The following CD226 variants were observed in gnomAD, a reference collection of about 807,000 sequenced individuals.
CD226 encodes the protein CD226 antigen.
CD226 carries 24 observed loss-of-function variants against 34.9 expected under a neutral mutation model. The ratio of observed to expected loss-of-function variants is 0.69; its 90% CI spans 0.50 to 0.97. The LOEUF is 0.97. Ranked by LOEUF, CD226 falls within the 50% of genes least tolerant of loss-of-function variation. The probability of loss-of-function intolerance (pLI) is 0.00; values close to 1 mark genes in which losing one functional copy is unlikely to be tolerated. For synonymous variants in CD226, 148 were observed against 147.4 expected (o/e 1.00, Z -0.03); for missense variants, 397 against 412.7 (o/e 0.96, Z 0.33).
At chr18:69,953,999 CAAAAAAA>C (rs933349209) in intron 1 of CD226, among the ~76,000 whole-genome samples, 6 of 73,774 alleles carry the variant, frequency 8.1e-5, no homozygotes, top group Non-Finnish European at 1.5e-4. Flanking sequence ...GACTCCGTTT[CAAAAAAA>C]AAAAAAAAAA....
chr18:69,961,003 T>C (rs2055927060), upstream of CD226, among the ~76,000 whole-genome samples: 1 of 152,226 alleles, frequency 6.6e-6, no homozygotes, highest in Admixed American at 6.5e-5. Context: ...TTGAAAATTA[T>C]TTAAAATGTA....
chr18:69,935,378 T>G (rs1483231807), intron 2 of CD226, among the ~76,000 whole-genome samples: 4 of 152,198 alleles, frequency 2.6e-5, no homozygotes, highest in Non-Finnish European at 5.9e-5. Flanking sequence ...GCCCACTATC[T>G]GCAGCTCTCA....
At chr18:69,940,898 A>C (rs2055715878) in intron 2 of CD226, among the ~76,000 whole-genome samples, 1 of 152,130 alleles carries the variant, frequency 6.6e-6, no homozygotes, top group Non-Finnish European at 1.5e-5. Flanking sequence ...TTCCATCATA[A>C]GCCTAGGAGG....
intron 2 of CD226, among the ~76,000 whole-genome samples, chr18:69,899,902 A>G (rs1328775448): frequency 6.6e-6 from 1 of 152,218 alleles, no homozygotes; most frequent in African/African-American, 2.4e-5. Flanking sequence ...CAGAACTACC[A>G]TTTGACCCAG....
chr18:69,959,371 G>A (rs2055919064), upstream of CD226, among the ~76,000 whole-genome samples: 1 of 152,046 alleles, frequency 6.6e-6, no homozygotes, highest in Non-Finnish European at 1.5e-5. Context: ...AAGGCTTTTT[G>A]AACAACTTAA....
At chr18:69,927,117 C>T (rs890555366) in intron 2 of CD226, among the ~76,000 whole-genome samples, 2 of 152,124 alleles carry the variant, frequency 1.3e-5, no homozygotes, top group African/African-American at 4.8e-5. Flanking sequence ...ATTCTGCTTT[C>T]ATGAATGTGA....
At chr18:69,913,776 T>G (rs1412078962) in intron 2 of CD226, among the ~76,000 whole-genome samples, 1 of 152,146 alleles carries the variant, frequency 6.6e-6, no homozygotes, top group Admixed American at 6.5e-5. Context: ...AGTGTCCTAG[T>G]GAAATGCTAA....
At chr18:69,882,166 T>C (rs555845406) in intron 3 of CD226, among the ~76,000 whole-genome samples, 1 of 152,148 alleles carries the variant, frequency 6.6e-6, no homozygotes, top group Non-Finnish European at 1.5e-5. Flanking sequence ...AGCAAACCAG[T>C]GAGGGAAGCA....
At chr18:69,960,613 C>A (rs1328050119), upstream of CD226, among the ~76,000 whole-genome samples, 1 of 152,154 alleles carries the variant, frequency 6.6e-6, no homozygotes, top group Non-Finnish European at 1.5e-5. Flanking sequence ...ACACGCATGG[C>A]TAATTTTTGT....
intron 2 of CD226, among the ~76,000 whole-genome samples, chr18:69,918,961 T>C (rs2055418111): frequency 6.6e-6 from 1 of 152,060 alleles, no homozygotes; most frequent in South Asian, 2.1e-4. Flanking sequence ...GATACAGACA[T>C]GGGATGCAAT....
Position 69,870,275 on chromosome 18 carries a change from T to C in CD226, c.831-2864A>G, listed in dbSNP as rs1312508638. 6.1e-5 allele frequency among the ~76,000 whole-genome samples: 9 copies of C among 147,014 alleles called. No homozygotes were observed. In the South Asian group the frequency reaches 1.8e-3, roughly 29 times the overall value. On this transcript the variant is annotated intron_variant, in intron 4 of 5. Coordinates refer to ENST00000582621, the MANE Select transcript of CD226 (RefSeq NM_001303618.2). Reference sequence around the variant, plus strand: ...ATAGAACACAGTTTGGCTCCCCCTTTTTTTTTTTTTTTTTTTTGAGACAGA... The same window carrying C: ...ATAGAACACAGTTTGGCTCCCCCTTCTTTTTTTTTTTTTTTTTGAGACAGA...
At chr18:69,910,627 T>TA (rs2055312422) in intron 2 of CD226, among the ~76,000 whole-genome samples, 1 of 152,064 alleles carries the variant, frequency 6.6e-6, no homozygotes. Flanking sequence ...GGACAAAACA[T>TA]AATCACTTTG....
upstream of CD226, among the ~76,000 whole-genome samples, chr18:69,951,391 A>T (rs2055853091): frequency 6.6e-6 from 1 of 152,144 alleles, no homozygotes; most frequent in Non-Finnish European, 1.5e-5. Context: ...TGGAATGTGA[A>T]CAATTTCTCT....
intron 3 of CD226, among the ~76,000 whole-genome samples, chr18:69,880,738 G>A (rs192069507): frequency 4.1e-5 from 6 of 146,904 alleles, no homozygotes; most frequent in East Asian, 4.2e-4. Flanking sequence ...TGCAACCTCC[G>A]CCTCCTGGGT....
rs1042478483 is a variant in CD226 at position 69,873,214 on chromosome 18, C to T, written c.760G>A (p.Ala254Thr). Residue 254 changes from alanine (A) to threonine (T), a missense_variant, in exon 4 of 6, where the codon GCT (alanine) becomes ACT (threonine). Physicochemically the swap from Ala to Thr is moderately conservative, Grantham distance 58 (BLOSUM62 0). Coordinates refer to ENST00000582621, the MANE Select transcript of CD226 (RefSeq NM_001303618.2). ...KTDNQYTLFV[A>T]GGTVLLLLFV... ...AACAACAATAAAACTGTCCCTCCAG[C>T]CACAAAGAGGGTATATTGGTTATCG... 1 of 1,607,780 alleles carries T rather than the reference C, an allele frequency of 6.2e-7. No individual in the cohort carries two copies. The highest frequency in any genetic ancestry group is 8.5e-7 in the Non-Finnish European group (1 of 1,174,642).
chr18:69,952,022 C>A (rs570444548), upstream of CD226, among the ~76,000 whole-genome samples: 3 of 152,104 alleles, frequency 2.0e-5, no homozygotes, highest in South Asian at 2.1e-4. Context: ...ATGGAATCAA[C>A]CTAAGTGCCC....
At chr18:69,881,238 G>T (rs1984242239) in intron 3 of CD226, among the ~76,000 whole-genome samples, 1 of 152,178 alleles carries the variant, frequency 6.6e-6, no homozygotes, top group Non-Finnish European at 1.5e-5. Context: ...GTGTACAGAT[G>T]GACCATAATG....
At chr18:69,928,467 T>C (rs1007317587) in intron 2 of CD226, among the ~76,000 whole-genome samples, 3 of 152,074 alleles carry the variant, frequency 2.0e-5, no homozygotes, top group Non-Finnish European at 4.4e-5. Flanking sequence ...AAATAAAATA[T>C]GTTCAATGAA....
intron 2 of CD226, among the ~76,000 whole-genome samples, chr18:69,943,427 C>T (rs2055750391): frequency 1.3e-5 from 2 of 152,164 alleles, no homozygotes; most frequent in African/African-American, 2.4e-5. Flanking sequence ...AAAACAAATG[C>T]ATTTATTCTT....
Sources: gnomAD v4.1 joint callset for allele counts (sites outside exome capture counted in the v4.1 genomes callset) on GRCh38, gnomAD v4.1.1 for gene constraint, MANE v1.5 for transcripts, NCBI Gene and HGNC (gene_info 2026-07-23, HGNC 2026-07-21) for gene names.